Variants in LUZP2 observed in about 807,000 individuals in gnomAD.
LUZP2 encodes the protein leucine zipper protein 2.
In LUZP2, 52 loss-of-function variants were observed where a neutral mutation model predicts 51.6. The observed-to-expected ratio is 1.01, with a 90% CI of 0.81 to 1.27. LUZP2 has a LOEUF of 1.27. Among genes scored for constraint, LUZP2 ranks in the 50% most tolerant of loss-of-function variants. The pLI, the probability that LUZP2 is intolerant of heterozygous loss-of-function variation, is 0.00. For synonymous variants in LUZP2, 154 were observed against 137.3 expected (o/e 1.12, Z -0.85); for missense variants, 436 against 395.4 (o/e 1.10, Z -0.87).
intron 5 of LUZP2, among the ~76,000 whole-genome samples, chr11:24,801,517 A>G (rs1849697783): frequency 6.6e-6 from 1 of 152,008 alleles, no homozygotes; most frequent in African/African-American, 2.4e-5. Flanking sequence ...TGTGATTATT[A>G]TTTTATAAAT....
intron 8 of LUZP2, among the ~76,000 whole-genome samples, chr11:24,978,238 T>C (rs1855934652): frequency 6.6e-6 from 1 of 151,752 alleles, no homozygotes; most frequent in African/African-American, 2.4e-5. Flanking sequence ...TTTATACCAA[T>C]TTAAGCTAAT....
At chr11:24,760,012 G>A (rs2134026142) in intron 4 of LUZP2, among the ~76,000 whole-genome samples, 1 of 152,216 alleles carries the variant, frequency 6.6e-6, no homozygotes. Context: ...CATTGGTTTG[G>A]TCCAGAAAGG....
At chr11:25,044,221 G>A (rs1353731178) in intron 9 of LUZP2, among the ~76,000 whole-genome samples, 1 of 92,582 alleles carries the variant, frequency 1.1e-5, no homozygotes, top group Non-Finnish European at 2.3e-5. Context: ...ATATATATAT[G>A]TGTGTGTATG....
At chr11:24,942,632 C>T in intron 7 of LUZP2, among the ~76,000 whole-genome samples, 1 of 152,064 alleles carries the variant, frequency 6.6e-6, no homozygotes, top group South Asian at 2.1e-4. Context: ...AGTTCTTTAT[C>T]AGATATATAT....
At chr11:25,009,987 A>T (rs983365758) in intron 9 of LUZP2, among the ~76,000 whole-genome samples, 1 of 152,322 alleles carries the variant, frequency 6.6e-6, no homozygotes, top group East Asian at 1.9e-4. Flanking sequence ...CTCAAATATT[A>T]TTGGAACAAT....
chr11:24,552,626 T>C (rs918752714), intron 1 of LUZP2, among the ~76,000 whole-genome samples: 1 of 151,858 alleles, frequency 6.6e-6, no homozygotes, highest in African/African-American at 2.4e-5. Flanking sequence ...AGATACAAGA[T>C]CAGCTGGGTA....
chr11:25,068,709 G>A (rs1359480327), intron 10 of LUZP2, among the ~76,000 whole-genome samples: 2 of 151,872 alleles, frequency 1.3e-5, no homozygotes, highest in Non-Finnish European at 1.5e-5. Context: ...GTTACTGCAG[G>A]ATATTTACAA....
At chr11:24,603,298 G>T (rs957297781) in intron 1 of LUZP2, among the ~76,000 whole-genome samples, 3 of 151,764 alleles carry the variant, frequency 2.0e-5, no homozygotes, top group Non-Finnish European at 4.4e-5. Context: ...ACTTATTTCT[G>T]AGTGACCCAA....
chr11:24,571,180 G>A (rs1359692324), intron 1 of LUZP2, among the ~76,000 whole-genome samples: 2 of 147,634 alleles, frequency 1.4e-5, no homozygotes, highest in African/African-American at 5.0e-5. Flanking sequence ...AGGCAGTGTT[G>A]CTGGTGATGC....
At chr11:24,616,399 T>C (rs576297653) in intron 1 of LUZP2, among the ~76,000 whole-genome samples, 1 of 152,000 alleles carries the variant, frequency 6.6e-6, no homozygotes, top group East Asian at 1.9e-4. Context: ...GAGTAAAGTA[T>C]GGGCTTTAAG....
At chr11:24,538,745 C>T (rs1278572853) in intron 1 of LUZP2, among the ~76,000 whole-genome samples, 1 of 151,376 alleles carries the variant, frequency 6.6e-6, no homozygotes, top group Non-Finnish European at 1.5e-5. Context: ...TGTGAGAAAG[C>T]AGAATCACGT....
At chr11:24,738,161 C>T in intron 3 of LUZP2, 60 bp from the exon 4 acceptor site, 2 of 1,190,790 alleles carry the variant, frequency 1.7e-6, no homozygotes, top group Non-Finnish European at 2.4e-6. Flanking sequence ...TTATAATGTT[C>T]ATAGGAAATA....
intron 9 of LUZP2, among the ~76,000 whole-genome samples, chr11:24,995,379 C>A (rs1216475421): frequency 1.3e-5 from 2 of 152,032 alleles, no homozygotes; most frequent in African/African-American, 2.4e-5. Context: ...GGTGACAGAG[C>A]AAGGCCTTGT....
At chr11:25,049,335 C>T in intron 9 of LUZP2, among the ~76,000 whole-genome samples, 1 of 152,154 alleles carries the variant, frequency 6.6e-6, no homozygotes, top group East Asian at 1.9e-4. Flanking sequence ...ATTAGCTCTT[C>T]CCAAGAAACA....
At chr11:25,021,603 G>A (rs893383866) in intron 9 of LUZP2, among the ~76,000 whole-genome samples, 2 of 151,924 alleles carry the variant, frequency 1.3e-5, no homozygotes, top group South Asian at 2.1e-4. Flanking sequence ...GAGCTACTGG[G>A]CAGGGATAGA....
At chr11:24,732,502 A>G (rs547400199) in intron 3 of LUZP2, among the ~76,000 whole-genome samples, 1 of 151,752 alleles carries the variant, frequency 6.6e-6, no homozygotes, top group South Asian at 2.1e-4. Context: ...GGTAAGTCTG[A>G]CCATCAATAG....
chr11:25,053,631 G>A (rs957085846), intron 10 of LUZP2, among the ~76,000 whole-genome samples: 2 of 148,580 alleles, frequency 1.3e-5, no homozygotes, highest in Non-Finnish European at 3.0e-5. Context: ...GTATTTGTTT[G>A]TACCTTTTTA....
At chr11:24,884,048 A>G (rs2134303088) in intron 5 of LUZP2, among the ~76,000 whole-genome samples, 1 of 152,154 alleles carries the variant, frequency 6.6e-6, no homozygotes, top group African/African-American at 2.4e-5. Flanking sequence ...AACTGGGAAG[A>G]TTGGGGTGAG....
chr11:24,873,217 G>A (rs546353628), intron 5 of LUZP2, among the ~76,000 whole-genome samples: 12 of 152,276 alleles, frequency 7.9e-5, no homozygotes, highest in Admixed American at 2.0e-4. Flanking sequence ...TGAGCAAGTT[G>A]TAAGTCTTGC....
Sources: gnomAD v4.1 joint callset for allele counts (sites outside exome capture counted in the v4.1 genomes callset) on GRCh38, gnomAD v4.1.1 for gene constraint, MANE v1.5 for transcripts, NCBI Gene and HGNC (gene_info 2026-07-23, HGNC 2026-07-21) for gene names.